Variants in MED23 observed in about 807,000 individuals in gnomAD.
MED23 encodes the protein mediator complex subunit 23.
Under a neutral mutation model 163.9 loss-of-function variants are expected in MED23, and 105 were observed. That is an observed-to-expected ratio of 0.64 (90% CI 0.55 to 0.75). MED23 has a LOEUF of 0.75. Among genes scored for constraint, MED23 ranks in the 30% least tolerant of loss-of-function variants. MED23 has a pLI of 0.00. For synonymous variants in MED23, 561 were observed against 565.6 expected, an observed-to-expected ratio of 0.99 and a Z score of 0.12; for missense variants, 1,054 against 1,649.0, an observed-to-expected ratio of 0.64 and a Z score of 6.25.
chr6:131,605,035 T>G (rs1411618091), intron 14 of MED23, among the ~76,000 whole-genome samples: 2 of 152,176 alleles, frequency 1.3e-5, no homozygotes, highest in Non-Finnish European at 1.5e-5. Context: ...CATGTAGAGA[T>G]TACAACAATT....
At chr6:131,627,305 G>T in intron 3 of MED23, 91 bp downstream of exon 3, 1 of 881,086 alleles carries the variant, frequency 1.1e-6, no homozygotes, top group Non-Finnish European at 1.8e-6. Flanking sequence ...GATCTTAAGA[G>T]CAGCATGAAA....
intron 15 of MED23, 140 bp downstream of exon 15, chr6:131,604,038 T>C (rs1479191538): frequency 2.4e-6 from 2 of 824,244 alleles, no homozygotes; most frequent in Non-Finnish European, 4.0e-6. Context: ...ATATTGTATA[T>C]TTCATTTATT....
chr6:131,574,012 T>G (rs988793844), exon 31 of MED23: 3 of 485,934 alleles, frequency 6.2e-6, no homozygotes, highest in Non-Finnish European at 1.1e-5. Context: ...ACCCCCAGAT[T>G]TCCTTACAGC....
intron 11 of MED23, 149 bp from the exon 12 acceptor site, chr6:131,608,220 T>A: frequency 1.3e-6 from 1 of 761,884 alleles, no homozygotes; most frequent in Non-Finnish European, 2.2e-6. Flanking sequence ...ACTTAGTAAT[T>A]ACTTAGTCTC....
chr6:131,618,073 A>G (rs1562400833), intron 9 of MED23, among the ~76,000 whole-genome samples: 1 of 151,640 alleles, frequency 6.6e-6, no homozygotes, highest in Non-Finnish European at 1.5e-5. Flanking sequence ...AGATTCTGGA[A>G]TTAGACTGAG....
intron 30 of MED23, among the ~76,000 whole-genome samples, chr6:131,581,002 T>C (rs1773891827): frequency 6.6e-6 from 1 of 152,242 alleles, no homozygotes; most frequent in Non-Finnish European, 1.5e-5. Flanking sequence ...GTTTTTTTAG[T>C]AATGCAATCG....
downstream of MED23, chr6:131,582,858 T>G (rs568060844): frequency 1.3e-5 from 10 of 791,476 alleles, no homozygotes; most frequent in East Asian, 2.6e-4. Context: ...TTTATATACA[T>G]GTACATACAT....
rs879189836 is a variant in MED23, at chr6:131,615,907, C to A, written c.876G>T (p.Gln292His). Reference protein sequence around the residue: ...MVCNMLGLNKQHKQRCPVLED... With the variant: ...MVCNMLGLNKHHKQRCPVLED... ...CTAGGTTTCCAGCATAGTACAGTACCTGCTTATTTAAACCTAGCATATTGC... is the reference window on the plus strand; with the variant it reads ...CTAGGTTTCCAGCATAGTACAGTACATGCTTATTTAAACCTAGCATATTGC... The change falls in exon 10 of 29, where the codon CAG (glutamine) becomes CAT (histidine). Residue 292 changes from glutamine to histidine, a missense_variant and splice_region_variant. By Grantham distance (24) the Gln-to-His change is conservative. Transcript: ENST00000368068. 6.2e-7 allele frequency: 1 copy of A among 1,607,764 alleles called. No individual in the cohort carries two copies. Among genetic ancestry groups the A allele is most frequent in the African/African-American group, 1.3e-5 (1 of 74,774 alleles).
intron 9 of MED23, among the ~76,000 whole-genome samples, chr6:131,618,044 G>C (rs543920351): frequency 1.3e-5 from 2 of 152,298 alleles, no homozygotes; most frequent in East Asian, 1.9e-4. Context: ...TAACTTGATA[G>C]CACAGGTGTT....
Position 131,591,577 on chromosome 6 carries a change from C to T in MED23, c.3472-50G>A, listed in dbSNP as rs771137540. The stretch of plus-strand genomic sequence containing the variant: ...GAAAAATATCACTTATCCAGCATTC[C>T]ACCCCAAAGTCTAAAGTAATAGTGT... On this transcript the variant is annotated intron_variant, in intron 25 of 28. Transcript: ENST00000368068. The T allele has an allele frequency of 4.5e-6, 6 of 1,336,114 alleles. No homozygotes were observed. The African/African-American group carries it at 7.2e-5, about 16-fold the overall frequency. 82.8% of individuals were successfully genotyped at this position (1,336,114 alleles called of 1,614,324 possible).
chr6:131,600,165 A>G lies in MED23; in HGVS notation c.2096-3T>C, dbSNP rs1167386558. On this transcript the variant is annotated splice_polypyrimidine_tract_variant and splice_region_variant and intron_variant, in intron 17 of 28. Transcript: ENST00000368068. ...TGAATCAGAGCCTGTAAAAAAATCT[A>G]AACATAAACAAATAGATGTAATCCA... is the stretch of plus-strand genomic sequence containing the variant. 1 of 1,600,868 alleles carries G rather than the reference A, an allele frequency of 6.2e-7. No homozygotes were observed. Among genetic ancestry groups the G allele is most frequent in the African/African-American group, 1.3e-5 (1 of 74,758 alleles).
intron 26 of MED23, among the ~76,000 whole-genome samples, chr6:131,590,775 C>T (rs757325329): frequency 1.3e-5 from 2 of 151,930 alleles, no homozygotes; most frequent in Non-Finnish European, 2.9e-5. Flanking sequence ...CACACCACCA[C>T]GCCTGGCTAA....
chr6:131,581,240 T>A lies in MED23; in HGVS notation c.4095+6469A>T, dbSNP rs1365543098. On this transcript the variant is annotated intron_variant, in intron 30 of 30. Transcript: ENST00000354577. The stretch of plus-strand genomic sequence containing the variant: ...AAAGTTTGGCAATTGGAAGCATCTC[T>A]GGCCATGCCAGGGTCCACCCTGATC... 3 of 1,613,934 alleles carry A rather than the reference T, an allele frequency of 1.9e-6. No individual in the cohort carries two copies. The Admixed American group carries it at 5.0e-5, about 27-fold the overall frequency.
intron 9 of MED23, among the ~76,000 whole-genome samples, chr6:131,616,804 G>A (rs1168292229): frequency 1.3e-5 from 2 of 152,190 alleles, no homozygotes; most frequent in African/African-American, 4.8e-5. Context: ...CTGGGTGACA[G>A]AGTGAGAGCC....
intron 17 of MED23, 98 bp from the exon 18 acceptor site, chr6:131,600,260 T>C: frequency 8.3e-7 from 1 of 1,199,582 alleles, no homozygotes; most frequent in Non-Finnish European, 1.2e-6. Flanking sequence ...CACTGAGAAT[T>C]TCACTGCAGT....
rs956653151 is a variant in MED23, at chr6:131,586,892, T to C, written c.*787A>G. The C allele has an allele frequency of 2.8e-6, 4 of 1,454,480 alleles. No individual in the cohort carries two copies. Among genetic ancestry groups the C allele is most frequent in the Non-Finnish European group, 3.7e-6 (4 of 1,075,198 alleles). 90.1% of individuals were successfully genotyped at this position (1,454,480 alleles called of 1,614,324 possible). A position where few individuals can be genotyped will look rare whatever the true frequency, so the allele number is the denominator to read the frequency against. On this transcript the variant is annotated 3_prime_UTR_variant, in exon 29 of 29. Coordinates refer to ENST00000368068, the MANE Select transcript of MED23 (RefSeq NM_004830.4). ...ATATAAAATTTAAAAATTTTAAGAT[T>C]ATAAAAATTGAAGAATTACATCATC... is the stretch of plus-strand genomic sequence containing the variant.
At chr6:131,602,865 T>C (rs1407133126) in intron 16 of MED23, among the ~76,000 whole-genome samples, 165 bp downstream of exon 16, 5 of 152,056 alleles carry the variant, frequency 3.3e-5, no homozygotes. Flanking sequence ...AAAGCTGGAC[T>C]CTGCTCCTAT....
At chr6:131,595,235 C>T (rs1774961137) in intron 22 of MED23, among the ~76,000 whole-genome samples, 1 of 152,204 alleles carries the variant, frequency 6.6e-6, no homozygotes. Context: ...CTCCTTATAA[C>T]CAGCCAATCA....
At position 131,590,218 on chromosome 6, in the gene MED23, A is replaced by C. The variant is rs1393851321; in HGVS notation, c.3807+104T>G. The C allele has an allele frequency of 4.6e-6, 5 of 1,083,838 alleles. No individual in the cohort carries two copies. In the Admixed American group the frequency reaches 7.2e-5, roughly 16 times the overall value. The allele number at this position is 1,083,838 out of a possible 1,614,324, so 67.1% of individuals were successfully genotyped here. A position where few individuals can be genotyped will look rare whatever the true frequency, so the allele number is the denominator to read the frequency against. ...TCTTGGATCCTGTTAAACTAGTTTC[A>C]CTACTAATGGTTGTGACCTGCAGTT... On this transcript the variant is annotated intron_variant, in intron 27 of 28. Coordinates refer to ENST00000368068, the MANE Select transcript of MED23 (RefSeq NM_004830.4).
Sources: allele counts gnomAD v4.1 joint callset (sites outside exome capture counted in the v4.1 genomes callset), GRCh38; gene constraint gnomAD v4.1.1; transcripts MANE v1.5; gene names NCBI Gene and HGNC (gene_info 2026-07-23, HGNC 2026-07-21).